CAMKK1: variants seen among roughly 807,000 people sequenced by gnomAD.
CAMKK1 encodes the protein calcium/calmodulin-dependent protein kinase kinase 1.
A neutral mutation model predicts 63.5 loss-of-function variants in CAMKK1; 20 were observed. The ratio of observed to expected loss-of-function variants is 0.32; its 90% CI spans 0.22 to 0.46. CAMKK1 has a LOEUF of 0.46. CAMKK1 is among the 20% of genes least tolerant of loss of function. The pLI is 1.00. For synonymous variants in CAMKK1, 253 were observed against 269.0 expected (o/e 0.94, Z 0.58); for missense variants, 588 against 658.1 (o/e 0.89, Z 1.17).
At position 3,872,466 on chromosome 17, in the gene CAMKK1, T is replaced by G. The variant is rs1597458750; in HGVS notation, c.1124+88A>C. On this transcript the variant is annotated intron_variant, in intron 12 of 15. Coordinates refer to ENST00000348335, the MANE Select transcript of CAMKK1 (RefSeq NM_032294.3). Reference sequence around the variant, plus strand: ...CCACCTTCATATCTGCAGGCTGGGGTGGGGTCCTCAGAGGGCAAAAGCTCT... The same window carrying G: ...CCACCTTCATATCTGCAGGCTGGGGGGGGGTCCTCAGAGGGCAAAAGCTCT... 9 of 1,057,398 alleles carry G rather than the reference T, an allele frequency of 8.5e-6. No individual in the cohort carries two copies. The South Asian group carries it at 1.2e-4, about 14-fold the overall frequency. 65.5% of individuals were successfully genotyped at this position (1,057,398 alleles called of 1,614,324 possible).
At chr17:3,865,081 C>G in intron 15 of CAMKK1, 3 of 970,006 alleles carry the variant, frequency 3.1e-6, no homozygotes, top group Non-Finnish European at 3.7e-6. Flanking sequence ...GTGGCTGTCC[C>G]AGGACCACGC....
rs2055577156 is a variant in CAMKK1, at chr17:3,884,931, C to T, written c.360+397G>A. On this transcript the variant is annotated intron_variant, in intron 2 of 15. Transcript: ENST00000348335. The surrounding 1 kb of genome is among the most constrained non-coding windows in gnomAD (Gnocchi z 4.5). ...AATGGCAAGAACTCCAGCAGAAGCC[C>T]AGAGGCTGGAGGCAGGCCGGCCGCT... 6.6e-6 allele frequency among the ~76,000 whole-genome samples: 1 copy of T among 152,186 alleles called. No homozygotes were observed. The highest frequency in any genetic ancestry group is 2.1e-4 in the South Asian group (1 of 4,826).
Position 3,884,362 on chromosome 17 carries a change from C to T in CAMKK1, c.408+18G>A, listed in dbSNP as rs377367762. 29 of 1,613,298 alleles carry T rather than the reference C, an allele frequency of 1.8e-5. No individual in the cohort carries two copies. The highest frequency in any genetic ancestry group is 1.6e-4 in the African/African-American group (12 of 74,912). ...AGAATCCCGAAGCCCCCACTGCTCT[C>T]GGCCTGCCCACTCCTACCTTGCCAA... On this transcript the variant is annotated intron_variant, in intron 3 of 15. Coordinates refer to ENST00000348335, the MANE Select transcript of CAMKK1 (RefSeq NM_032294.3). This position sits in a 1 kb window ranked among gnomAD's most constrained non-coding sequence, Gnocchi z 4.5.
Position 3,862,852 on chromosome 17 carries a change from G to A in CAMKK1, c.1446-569C>T, listed in dbSNP as rs544494528. Among the ~76,000 whole-genome samples, 1 of 152,170 alleles carries A rather than the reference G, an allele frequency of 6.6e-6. No individual in the cohort carries two copies. Among genetic ancestry groups the A allele is most frequent in the South Asian group, 2.1e-4 (1 of 4,812 alleles). ...GGGTTTCACCATGTTGCCCAGGCTGGTCTCAAACTCCTGGGCTCAAGCGAT... is the reference window on the plus strand; with the variant it reads ...GGGTTTCACCATGTTGCCCAGGCTGATCTCAAACTCCTGGGCTCAAGCGAT... On this transcript the variant is annotated intron_variant, in intron 15 of 15. Coordinates refer to ENST00000348335, the MANE Select transcript of CAMKK1 (RefSeq NM_032294.3). This position sits in a 1 kb window ranked among gnomAD's most constrained non-coding sequence, Gnocchi z 4.1.
Position 3,880,310 on chromosome 17 carries a change from G to A in CAMKK1, c.796+36C>T, listed in dbSNP as rs1287399981. ...GCTCTGCCGCCTGCCAGATCCCCTA[G>A]CCCCAGCCCCAGTGGGCAAGCTGCC... On this transcript the variant is annotated intron_variant, in intron 9 of 15. Transcript: ENST00000348335. 8 of 1,573,326 alleles carry A rather than the reference G, an allele frequency of 5.1e-6. No individual in the cohort carries two copies. In the Admixed American group the frequency reaches 6.7e-5, roughly 13 times the overall value.
intron 1 of CAMKK1, among the ~76,000 whole-genome samples, chr17:3,886,965 A>C (rs2143895170): frequency 6.6e-6 from 1 of 152,186 alleles, no homozygotes; most frequent in Admixed American, 6.5e-5. Context: ...TCTGCTGGTA[A>C]CTTCCTCCGA....
At chr17:3,886,973 C>T (rs1366557877) in intron 1 of CAMKK1, among the ~76,000 whole-genome samples, 1 of 152,164 alleles carries the variant, frequency 6.6e-6, no homozygotes, top group Non-Finnish European at 1.5e-5. Context: ...TAACTTCCTC[C>T]GAACCCACAC....
chr17:3,862,212 C>G lies in CAMKK1; in HGVS notation c.1517G>C (p.Ter506SerextTer185). ...PGVQEDEAAS[*>S] The stretch of plus-strand genomic sequence containing the variant: ...GTGGCCCTGGGTGCATGCAGGGGCT[C>G]AGGATGCAGCCTCGTCTTCCTGGAC... Residue 506 changes from the stop codon to serine (S), a stop_lost, in exon 16 of 16, where the codon TGA becomes TCA. Transcript: ENST00000348335. The surrounding 1 kb of genome is among the most constrained non-coding windows in gnomAD (Gnocchi z 4.1). The G allele has an allele frequency of 6.3e-7, 1 of 1,583,596 alleles. No individual in the cohort carries two copies. Among genetic ancestry groups the G allele is most frequent in the Non-Finnish European group, 8.6e-7 (1 of 1,164,400 alleles).
rs771075904 is a variant in CAMKK1 at position 3,881,700 on chromosome 17, T to C, written c.686-52A>G. The C allele has an allele frequency of 8.5e-6, 13 of 1,524,218 alleles. No individual in the cohort carries two copies. In the South Asian group the frequency reaches 1.4e-4, roughly 17 times the overall value. The allele number at this position is 1,524,218 out of a possible 1,614,324, so 94.4% of individuals were successfully genotyped here. On this transcript the variant is annotated intron_variant, in intron 7 of 15. Transcript: ENST00000348335. Reference sequence around the variant, plus strand: ...TGTAGCTGGCTGGCAAAGCAGCCGATGCCAAGGTCCCTCCCTGTTCTGGAG... The same window carrying C: ...TGTAGCTGGCTGGCAAAGCAGCCGACGCCAAGGTCCCTCCCTGTTCTGGAG...
chr17:3,871,359 T>G (rs145800691), intron 12 of CAMKK1, among the ~76,000 whole-genome samples: 169 of 105,656 alleles, frequency 1.6e-3, no homozygotes, highest in Middle Eastern at 4.8e-3. Context: ...TTTTTTTTTT[T>G]TTTTTTTTTT....
intron 9 of CAMKK1, 42 bp downstream of exon 9, chr17:3,880,304 C>T (rs777484107): frequency 6.4e-7 from 1 of 1,555,102 alleles, no homozygotes; most frequent in Admixed American, 1.7e-5. Context: ...CCTGCCAGAT[C>T]CCCTAGCCCC....
chr17:3,875,610 C>T (rs545269878), intron 10 of CAMKK1, among the ~76,000 whole-genome samples: 2 of 152,314 alleles, frequency 1.3e-5, no homozygotes, highest in African/African-American at 2.4e-5. Context: ...GATACTCACA[C>T]GTGTCCAAAT....
Position 3,881,655 on chromosome 17 carries a change from G to C in CAMKK1, c.686-7C>G, listed in dbSNP as rs1021643168. The C allele has an allele frequency of 6.4e-7, 1 of 1,564,648 alleles. No individual in the cohort carries two copies. Among genetic ancestry groups the C allele is most frequent in the Admixed American group, 1.9e-5 (1 of 52,796 alleles). On this transcript the variant is annotated splice_polypyrimidine_tract_variant and splice_region_variant and intron_variant, in intron 7 of 15. Transcript: ENST00000348335. ...TTTCTCAGGAGGTCAAACACTGAAA[G>C]AAAAGACAAGAAGGTAAGGTGTAGC... is the stretch of plus-strand genomic sequence containing the variant.
chr17:3,862,951 G>A lies in CAMKK1; in HGVS notation c.1446-668C>T, dbSNP rs1284497492. Among the ~76,000 whole-genome samples, 1 of 152,124 alleles carries A rather than the reference G, an allele frequency of 6.6e-6. No homozygotes were observed. Among genetic ancestry groups the A allele is most frequent in the East Asian group, 1.9e-4 (1 of 5,174 alleles). On this transcript the variant is annotated intron_variant, in intron 15 of 15. Transcript: ENST00000348335. This position sits in a 1 kb window ranked among gnomAD's most constrained non-coding sequence, Gnocchi z 4.1. ...CGTGCCCGGCCTGAGGGCCTTCTGT[G>A]TTGACCTCAGTCATCCCCCAGCAGA...
intron 7 of CAMKK1, 200 bp from the exon 8 acceptor site, chr17:3,881,848 T>A (rs1054138634): frequency 1.7e-6 from 1 of 586,990 alleles, no homozygotes; most frequent in Non-Finnish European, 3.1e-6. Flanking sequence ...CATCTGATCC[T>A]CAGGTGCCAG....
At position 3,862,750 on chromosome 17, in the gene CAMKK1, C is replaced by T. The variant is rs553052818; in HGVS notation, c.1446-467G>A. Among the ~76,000 whole-genome samples the T allele has an allele frequency of 6.6e-6, 1 of 152,356 alleles. No homozygotes were observed. Among genetic ancestry groups the T allele is most frequent in the East Asian group, 1.9e-4 (1 of 5,180 alleles). On this transcript the variant is annotated intron_variant, in intron 15 of 15. Coordinates refer to ENST00000348335, the MANE Select transcript of CAMKK1 (RefSeq NM_032294.3). The surrounding 1 kb of genome is among the most constrained non-coding windows in gnomAD (Gnocchi z 4.1). The stretch of plus-strand genomic sequence containing the variant: ...GCTCAAGCGATCCTCCCACCTCAGC[C>T]TCCTGAGTAGCTGAGACTACAGGCA...
intron 10 of CAMKK1, among the ~76,000 whole-genome samples, chr17:3,874,410 C>T (rs187781392): frequency 3.9e-5 from 6 of 152,202 alleles, no homozygotes; most frequent in East Asian, 1.9e-4. Flanking sequence ...CTCACTCTGT[C>T]GCCCAGGCTA....
rs1367771304 is a variant in CAMKK1, at chr17:3,885,418, A to C, written c.270T>G (p.Pro90=). ...AGSYLEAQAG[P]YATGPASHIS... ...TGTGGCTGGCAGGCCCCGTGGCATAAGGCCCAGCCTGCGCCTCCAGATAGC... is the reference window on the plus strand; with the variant it reads ...TGTGGCTGGCAGGCCCCGTGGCATACGGCCCAGCCTGCGCCTCCAGATAGC... The change falls in exon 2 of 16, where the codon CCT becomes CCG. Residue 90 remains proline, a synonymous_variant. Transcript: ENST00000348335. 6.2e-7 allele frequency: 1 copy of C among 1,612,174 alleles called. No homozygotes were observed. The highest frequency in any genetic ancestry group is 8.5e-7 in the Non-Finnish European group (1 of 1,179,758).
At chr17:3,865,452 C>T (rs1720325666) in intron 15 of CAMKK1, 2 of 998,762 alleles carry the variant, frequency 2.0e-6, no homozygotes, top group South Asian at 4.4e-5. Context: ...TCCCCAGGGC[C>T]AGGCAGAGGG....
Sources: allele counts gnomAD v4.1 joint callset (sites outside exome capture counted in the v4.1 genomes callset), GRCh38; gene constraint gnomAD v4.1.1; non-coding constraint Gnocchi (gnomAD v3.1); transcripts MANE v1.5; gene names NCBI Gene and HGNC (gene_info 2026-07-23, HGNC 2026-07-21).